Variants in NUDT5 observed in about 807,000 individuals in gnomAD.
The protein encoded by NUDT5 is ADP-sugar pyrophosphatase.
In NUDT5, 21 loss-of-function variants were observed where a neutral mutation model predicts 34.1. That is an observed-to-expected ratio of 0.62 (90% CI 0.44 to 0.89). The LOEUF (loss-of-function observed/expected upper bound fraction) is 0.89. Among genes scored for constraint, NUDT5 ranks in the 40% least tolerant of loss-of-function variants. The pLI, the probability that NUDT5 is intolerant of heterozygous loss-of-function variation, is 0.00. For synonymous variants in NUDT5, 85 were observed against 97.6 expected (o/e 0.87, Z 0.76); for missense variants, 249 against 274.8 (o/e 0.91, Z 0.66).
chr10:12,194,086 A>C (rs1475537900), intron 1 of NUDT5, among the ~76,000 whole-genome samples: 1 of 152,206 alleles, frequency 6.6e-6, no homozygotes, highest in Non-Finnish European at 1.5e-5. Context: ...CATGTTGGAC[A>C]GGCTGGTCAA....
At chr10:12,194,820 G>T (rs1248221275) in intron 1 of NUDT5, among the ~76,000 whole-genome samples, 2 of 152,192 alleles carry the variant, frequency 1.3e-5, no homozygotes, top group Non-Finnish European at 2.9e-5. Context: ...GATGCCTCGC[G>T]CAAGCCTAAA....
At position 12,177,375 on chromosome 10, in the gene NUDT5, C is replaced by T. The variant is rs558097986; in HGVS notation, c.289+418G>A. ...TCTACTAAAAATACAAAAAATTAGC[C>T]GGGCGTGGTGGCGGGCGCCTGTAGT... On this transcript the variant is annotated intron_variant, in intron 5 of 9. Coordinates refer to ENST00000491614, the MANE Select transcript of NUDT5 (RefSeq NM_014142.4). 1.2e-4 allele frequency among the ~76,000 whole-genome samples: 18 copies of T among 151,820 alleles called. No individual in the cohort carries two copies. In the East Asian group the frequency reaches 1.8e-3, roughly 15 times the overall value.
intron 1 of NUDT5, among the ~76,000 whole-genome samples, chr10:12,195,498 C>G (rs1835321467): frequency 6.6e-6 from 1 of 152,342 alleles, no homozygotes; most frequent in Middle Eastern, 3.4e-3. Flanking sequence ...GCATTCTACT[C>G]CTCTGCAGAT....
intron 1 of NUDT5, among the ~76,000 whole-genome samples, chr10:12,189,455 G>A (rs1478108492): frequency 6.6e-6 from 1 of 152,200 alleles, no homozygotes; most frequent in East Asian, 1.9e-4. Flanking sequence ...AAGGGAAACA[G>A]TATCGTGCAG....
In NUDT5 at chr10:12,171,432, G is replaced by A. The variant is rs959560147; in HGVS notation, c.488-524C>T. ...CCATCATGTTATCGCATGTTTCAGC[G>A]TGTATGTGTGTTTGTGTGTATACCA... On this transcript the variant is annotated intron_variant, in intron 7 of 9. Coordinates refer to ENST00000491614, the MANE Select transcript of NUDT5 (RefSeq NM_014142.4). This position sits in a 1 kb window ranked among gnomAD's most constrained non-coding sequence, Gnocchi z 4.2. 2.6e-5 allele frequency among the ~76,000 whole-genome samples: 4 copies of A among 152,184 alleles called. No individual in the cohort carries two copies. Among genetic ancestry groups the A allele is most frequent in the Admixed American group, 1.3e-4 (2 of 15,278 alleles).
intron 1 of NUDT5, among the ~76,000 whole-genome samples, chr10:12,189,505 C>T (rs1309424018): frequency 6.6e-6 from 1 of 152,184 alleles, no homozygotes; most frequent in East Asian, 1.9e-4. Flanking sequence ...TGAGCTATTT[C>T]AAGAGCATAT....
In NUDT5 at chr10:12,173,657, TAATC is replaced by T. The variant is rs766684825; in HGVS notation, c.385+57_385+60del. The stretch of plus-strand genomic sequence containing the variant: ...ATTCTGAGCGTAAAGAACACCCAAA[TAATC>T]AATCCCTTCCCAGACGGAGGAATCC... On this transcript the variant is annotated intron_variant, in intron 6 of 9. Transcript: ENST00000491614. The surrounding 1 kb of genome is among the most constrained non-coding windows in gnomAD (Gnocchi z 4.7). 262 of 1,259,302 alleles carry T rather than the reference TAATC, an allele frequency of 2.1e-4. No homozygotes were observed. The highest frequency in any genetic ancestry group is 4.0e-4 in the Admixed American group (24 of 59,512). 78.0% of individuals were successfully genotyped at this position (1,259,302 alleles called of 1,614,324 possible).
In NUDT5 at chr10:12,169,328, A is replaced by G. The variant is rs1463390433; in HGVS notation, c.550+1389T>C. On this transcript the variant is annotated intron_variant, in intron 9 of 9. Transcript: ENST00000491614. The surrounding 1 kb of genome is among the most constrained non-coding windows in gnomAD (Gnocchi z 4.8). ...TACAAAAAGGATACTCTTCTACTAAAAGATAACCCCGCACGGCATTTCACA... is the reference window on the plus strand; with the variant it reads ...TACAAAAAGGATACTCTTCTACTAAGAGATAACCCCGCACGGCATTTCACA... 6.4e-7 allele frequency: 1 copy of G among 1,550,978 alleles called. No individual in the cohort carries two copies. The highest frequency in any genetic ancestry group is 8.7e-7 in the Non-Finnish European group (1 of 1,144,764).
chr10:12,179,370 C>T (rs1171080577), intron 3 of NUDT5, among the ~76,000 whole-genome samples: 6 of 152,138 alleles, frequency 3.9e-5, no homozygotes, highest in Admixed American at 1.3e-4. Context: ...TGGGTGCCCC[C>T]GAAACAGAAA....
At position 12,181,595 on chromosome 10, in the gene NUDT5, G is replaced by A. The variant is rs1380370892; in HGVS notation, c.132-2463C>T. ...CTCAGCCCTGTGTAGGGTGTTGTGG[G>A]GAACTGCTGCTGGGCATCCGGTCTG... On this transcript the variant is annotated intron_variant, in intron 3 of 9. Transcript: ENST00000491614. This position sits in a 1 kb window ranked among gnomAD's most constrained non-coding sequence, Gnocchi z 5.0. Among the ~76,000 whole-genome samples, 1 of 152,082 alleles carries A rather than the reference G, an allele frequency of 6.6e-6. No individual in the cohort carries two copies. Among genetic ancestry groups the A allele is most frequent in the Non-Finnish European group, 1.5e-5 (1 of 68,010 alleles).
chr10:12,167,714 G>A lies in NUDT5; in HGVS notation c.648C>T (p.Phe216=). 1 of 1,614,068 alleles carries A rather than the reference G, an allele frequency of 6.2e-7. No homozygotes were observed. The highest frequency in any genetic ancestry group is 8.5e-7 in the Non-Finnish European group (1 of 1,179,992). The part of the protein sequence containing the change: ...HANAKPFEVP[F]LKF ...GTCATATTTGGGCTTAAAATTTCAAGAAGGGCACTTCAAATGGCTTTGCAT... is the reference window on the plus strand; with the variant it reads ...GTCATATTTGGGCTTAAAATTTCAAAAAGGGCACTTCAAATGGCTTTGCAT... The change falls in exon 10 of 10, where the codon TTC becomes TTT. Residue 216 remains phenylalanine, a synonymous_variant. Transcript: ENST00000491614.
At chr10:12,194,563 T>C (rs1835296408) in intron 1 of NUDT5, among the ~76,000 whole-genome samples, 1 of 152,252 alleles carries the variant, frequency 6.6e-6, no homozygotes, top group Non-Finnish European at 1.5e-5. Context: ...TGAAAATGTA[T>C]TCTTTAAAGC....
intron 5 of NUDT5, among the ~76,000 whole-genome samples, chr10:12,176,435 C>A (rs1392683949): frequency 6.6e-6 from 1 of 150,904 alleles, no homozygotes; most frequent in African/African-American, 2.4e-5. Flanking sequence ...GAGAGCCCAT[C>A]TCTACTAAAA....
chr10:12,192,982 G>A (rs7080254), intron 1 of NUDT5, among the ~76,000 whole-genome samples: 129,760 of 151,570 alleles, frequency 0.86, 55,957 homozygotes, highest in Middle Eastern at 0.93. Flanking sequence ...CAGTTGGGTG[G>A]GCAGGGAGTA....
chr10:12,169,702 C>G lies in NUDT5; in HGVS notation c.550+1015G>C, dbSNP rs1834809147. 8.9e-6 allele frequency: 2 copies of G among 223,912 alleles called. No individual in the cohort carries two copies. Among genetic ancestry groups the G allele is most frequent in the East Asian group, 2.0e-4 (2 of 10,006 alleles). 13.9% of individuals were successfully genotyped at this position (223,912 alleles called of 1,614,324 possible). On this transcript the variant is annotated intron_variant, in intron 9 of 9. Coordinates refer to ENST00000491614, the MANE Select transcript of NUDT5 (RefSeq NM_014142.4). This position sits in a 1 kb window ranked among gnomAD's most constrained non-coding sequence, Gnocchi z 4.8. ...TAAGGGATACGAAATCTGATTTTAT[C>G]CAAAGAAATCACAGCAGCCTTTGAA...
intron 3 of NUDT5, chr10:12,184,557 T>G (rs1835095906): frequency 6.6e-7 from 1 of 1,516,126 alleles, no homozygotes; most frequent in East Asian, 2.5e-5. Context: ...AAAAACAGAT[T>G]TTACTAGAAG....
Position 12,171,623 on chromosome 10 carries a change from A to C in NUDT5, c.488-715T>G. On this transcript the variant is annotated intron_variant, in intron 7 of 9. Coordinates refer to ENST00000491614, the MANE Select transcript of NUDT5 (RefSeq NM_014142.4). The surrounding 1 kb of genome is among the most constrained non-coding windows in gnomAD (Gnocchi z 4.2). ...TAATAATTCTGTATCTAATATGCTG[A>C]GGAACTGCCAAACTTTTCCACAGTG... Among the ~76,000 whole-genome samples the C allele has an allele frequency of 6.6e-6, 1 of 152,304 alleles. No homozygotes were observed. The highest frequency in any genetic ancestry group is 1.5e-5 in the Non-Finnish European group (1 of 68,024).
chr10:12,178,894 C>T, intron 4 of NUDT5, 189 bp downstream of exon 4: 1 of 609,896 alleles, frequency 1.6e-6, no homozygotes, highest in Non-Finnish European at 3.0e-6. Context: ...ATGTTTTGGG[C>T]TTAGATAACA....
At chr10:12,176,055 G>A (rs1488670337) in intron 5 of NUDT5, among the ~76,000 whole-genome samples, 1 of 151,970 alleles carries the variant, frequency 6.6e-6, no homozygotes, top group East Asian at 1.9e-4. Flanking sequence ...AAATTAGCCG[G>A]GTGTGGTGGC....
Sources: allele counts gnomAD v4.1 joint callset (sites outside exome capture counted in the v4.1 genomes callset), GRCh38; gene constraint gnomAD v4.1.1; non-coding constraint Gnocchi (gnomAD v3.1); transcripts MANE v1.5; gene names NCBI Gene and HGNC (gene_info 2026-07-23, HGNC 2026-07-21).